The following SPIDR variants were observed in gnomAD, a reference collection of about 807,000 sequenced individuals.
SPIDR encodes scaffold protein involved in DNA repair.
A neutral mutation model predicts 104.6 loss-of-function variants in SPIDR; 93 were observed. The observed-to-expected ratio is 0.89, with a 90% CI of 0.75 to 1.06. The LOEUF (loss-of-function observed/expected upper bound fraction) is 1.06. SPIDR is among the 50% of genes least tolerant of loss of function. SPIDR has a pLI of 0.00. For missense variants in SPIDR, 1,154 were observed against 1,111.2 expected, an observed-to-expected ratio of 1.04 and a Z score of -0.55; for synonymous variants, 431 against 416.9, an observed-to-expected ratio of 1.03 and a Z score of -0.41.
intron 7 of SPIDR, among the ~76,000 whole-genome samples, chr8:47,424,051 T>A (rs1222176540): frequency 2.6e-5 from 4 of 152,244 alleles, no homozygotes; most frequent in African/African-American, 9.6e-5. Flanking sequence ...CACAGGAGAA[T>A]ATGGATGGGT....
chr8:47,346,175 TAC>T (rs1253636564), intron 5 of SPIDR, among the ~76,000 whole-genome samples: 48 of 152,288 alleles, frequency 3.2e-4, no homozygotes, highest in Middle Eastern at 6.8e-3. Flanking sequence ...TAGCATGAAG[TAC>T]TGTTGAATTT....
At chr8:47,485,708 T>A (rs1038540560) in intron 8 of SPIDR, among the ~76,000 whole-genome samples, 9 of 152,208 alleles carry the variant, frequency 5.9e-5, no homozygotes, top group Admixed American at 5.9e-4. Flanking sequence ...ATATTGTCTG[T>A]TCTGCAGCCT....
intron 10 of SPIDR, among the ~76,000 whole-genome samples, chr8:47,646,060 GAGCCACTCTTTCTAGTACAT>G (rs2070289720): frequency 6.6e-6 from 1 of 152,010 alleles, no homozygotes; most frequent in Non-Finnish European, 1.5e-5. Context: ...GTATTACAAA[GAGCCACTCTTTCTAGTACAT>G]GAGGTACTCA....
At position 47,565,990 on chromosome 8, in the gene SPIDR, ATATTTTTTTTTTTT is replaced by A. The variant is rs1443199712; in HGVS notation, c.1098-29819_1098-29806del. Among the ~76,000 whole-genome samples, 4 of 29,352 alleles carry A rather than the reference ATATTTTTTTTTTTT, an allele frequency of 1.4e-4. No individual in the cohort carries two copies. The Admixed American group carries it at 2.7e-3, about 20-fold the overall frequency. The allele number at this position is 29,352 out of a possible 152,430, so 19.3% of individuals were successfully genotyped here. On this transcript the variant is annotated intron_variant, in intron 8 of 19. Coordinates refer to ENST00000297423, the MANE Select transcript of SPIDR (RefSeq NM_001080394.4). ...TATACTCATATATATATATATATAT[ATATTTTTTTTTTTT>A]TTTTTTTTTTTTTTTTTTGAGATGG...
intron 5 of SPIDR, among the ~76,000 whole-genome samples, chr8:47,353,811 T>C (rs2054010725): frequency 1.3e-5 from 2 of 152,114 alleles, no homozygotes; most frequent in Admixed American, 6.5e-5. Context: ...GCTGGATTGC[T>C]GCCAGCCCGG....
intron 11 of SPIDR, among the ~76,000 whole-genome samples, chr8:47,685,937 A>G (rs1457643846): frequency 6.6e-6 from 1 of 152,132 alleles, no homozygotes; most frequent in African/African-American, 2.4e-5. Context: ...CAAGAGGATC[A>G]CTTGGGTGCA....
At chr8:47,288,731 C>T (rs906065764) in intron 3 of SPIDR, among the ~76,000 whole-genome samples, 2 of 152,296 alleles carry the variant, frequency 1.3e-5, no homozygotes, top group Admixed American at 6.5e-5. Context: ...CCTTTTATAA[C>T]GTGAACAATA....
At chr8:47,344,683 T>C (rs1181128185) in intron 5 of SPIDR, among the ~76,000 whole-genome samples, 1 of 152,218 alleles carries the variant, frequency 6.6e-6, no homozygotes, top group Non-Finnish European at 1.5e-5. Flanking sequence ...AGATGGTATC[T>C]CATTGTGGTT....
chr8:47,609,192 GT>G (rs950503223), intron 10 of SPIDR, among the ~76,000 whole-genome samples: 1 of 152,130 alleles, frequency 6.6e-6, no homozygotes, highest in Non-Finnish European at 1.5e-5. Context: ...ATTCTGTGGA[GT>G]TTTTCACTTT....
chr8:47,552,022 T>C (rs918537340), intron 8 of SPIDR, among the ~76,000 whole-genome samples: 3 of 152,210 alleles, frequency 2.0e-5, no homozygotes, highest in African/African-American at 7.2e-5. Context: ...CTTCATTTCG[T>C]TATGTACCCA....
At chr8:47,666,505 C>A (rs2074954068) in intron 10 of SPIDR, among the ~76,000 whole-genome samples, 1 of 152,142 alleles carries the variant, frequency 6.6e-6, no homozygotes, top group Non-Finnish European at 1.5e-5. Context: ...GCTTATATAT[C>A]ATTTCATTTT....
intron 16 of SPIDR, among the ~76,000 whole-genome samples, chr8:47,720,512 T>C (rs2083242592): frequency 6.6e-6 from 1 of 152,258 alleles, no homozygotes; most frequent in South Asian, 2.1e-4. Flanking sequence ...ATTTTTGCCA[T>C]TCTAATAGAT....
intron 10 of SPIDR, chr8:47,660,848 C>T: frequency 1.8e-6 from 1 of 565,954 alleles, no homozygotes; most frequent in Non-Finnish European, 2.2e-6. Context: ...GAGAGCTGGC[C>T]CTTAATGAGA....
intron 5 of SPIDR, among the ~76,000 whole-genome samples, chr8:47,341,381 A>C (rs1297580858): frequency 2.0e-5 from 3 of 152,240 alleles, no homozygotes; most frequent in Admixed American, 2.0e-4. Flanking sequence ...CTATGGGAAG[A>C]ATAATACCAG....
intron 9 of SPIDR, 111 bp downstream of exon 9, chr8:47,596,117 C>A (rs1429461722): frequency 1.8e-5 from 17 of 926,854 alleles, no homozygotes; most frequent in Non-Finnish European, 1.9e-5. Context: ...CTCCAAAAAC[C>A]CCACCACAAG....
chr8:47,494,246 C>G (rs1479982129), intron 8 of SPIDR, among the ~76,000 whole-genome samples: 1 of 149,684 alleles, frequency 6.7e-6, no homozygotes, highest in Non-Finnish European at 1.5e-5. Flanking sequence ...CCTCAGCCTC[C>G]TAATTAGCTG....
At chr8:47,716,464 C>T (rs1004316007) in intron 16 of SPIDR, among the ~76,000 whole-genome samples, 10 of 152,150 alleles carry the variant, frequency 6.6e-5, no homozygotes, top group African/African-American at 2.4e-4. Flanking sequence ...GGGGTTAATG[C>T]TAACACATTA....
intron 8 of SPIDR, among the ~76,000 whole-genome samples, chr8:47,569,414 TA>T (rs1485143091): frequency 1.2e-4 from 19 of 152,172 alleles, no homozygotes; most frequent in Non-Finnish European, 5.9e-5. Context: ...GTAAAGCAAT[TA>T]AACCTAACAG....
chr8:47,534,380 C>T (rs1180239774), intron 8 of SPIDR, among the ~76,000 whole-genome samples: 1 of 152,136 alleles, frequency 6.6e-6, no homozygotes, highest in Non-Finnish European at 1.5e-5. Context: ...TGGAATCAAC[C>T]TAAATGCCCA....
Sources: gnomAD v4.1 joint callset for allele counts (sites outside exome capture counted in the v4.1 genomes callset) on GRCh38, gnomAD v4.1.1 for gene constraint, MANE v1.5 for transcripts, NCBI Gene and HGNC (gene_info 2026-07-23, HGNC 2026-07-21) for gene names.